ZBTB20: variants seen among roughly 807,000 people sequenced by gnomAD.
The protein encoded by ZBTB20 is zinc finger and BTB domain-containing protein 20.
In ZBTB20, 9 loss-of-function variants were observed where a neutral mutation model predicts 56.9. The observed-to-expected ratio is 0.16, with a 90% CI of 0.10 to 0.28. The LOEUF (loss-of-function observed/expected upper bound fraction) is 0.28, where lower values mean the gene tolerates loss of function less well. Among genes scored for constraint, ZBTB20 ranks in the 10% least tolerant of loss-of-function variants. ZBTB20 has a pLI of 1.00. For missense variants in ZBTB20, 655 were observed against 1,003.0 expected, an observed-to-expected ratio of 0.65 and a Z score of 4.69; for synonymous variants, 417 against 420.7, an observed-to-expected ratio of 0.99 and a Z score of 0.11.
At chr3:114,401,789 T>C (rs1157475579) in intron 7 of ZBTB20, among the ~76,000 whole-genome samples, 1 of 152,182 alleles carries the variant, frequency 6.6e-6, no homozygotes, top group East Asian at 1.9e-4. Flanking sequence ...AAATGATTTT[T>C]GAAAAATCAC....
At chr3:114,709,276 G>T (rs968520562) in intron 5 of ZBTB20, among the ~76,000 whole-genome samples, 2 of 152,060 alleles carry the variant, frequency 1.3e-5, no homozygotes, top group Non-Finnish European at 2.9e-5. Flanking sequence ...ACAGTTCTTT[G>T]TAAGAGACAC....
At chr3:114,415,175 T>A (rs1576655251) in intron 7 of ZBTB20, among the ~76,000 whole-genome samples, 1 of 152,070 alleles carries the variant, frequency 6.6e-6, no homozygotes, top group East Asian at 1.9e-4. Flanking sequence ...AATGTGACAA[T>A]CTCGCTGCAA....
rs368331914 is a variant in ZBTB20, at chr3:114,326,003, G to A, written c.*13002C>T. The A allele has an allele frequency of 6.6e-6, 1 of 152,230 alleles. No homozygotes were observed. The highest frequency in any genetic ancestry group is 2.4e-5 in the African/African-American group (1 of 41,520). 9.4% of individuals were successfully genotyped at this position (152,230 alleles called of 1,614,324 possible). On this transcript the variant is annotated 3_prime_UTR_variant, in exon 12 of 12. Transcript: ENST00000675478. The stretch of plus-strand genomic sequence containing the variant: ...CCTCTAGTGCCTGGGGTTGGGGCAG[G>A]TGCAGGGGTGTGGGGAAGGAGAGAG...
chr3:114,766,412 G>A (rs1419438438), intron 5 of ZBTB20, among the ~76,000 whole-genome samples: 1 of 151,690 alleles, frequency 6.6e-6, no homozygotes, highest in African/African-American at 2.4e-5. Flanking sequence ...TTTAAAACAG[G>A]TGCTCTTAAA....
intron 3 of ZBTB20, among the ~76,000 whole-genome samples, chr3:114,908,370 T>C (rs1490097700): frequency 2.0e-5 from 3 of 152,180 alleles, no homozygotes; most frequent in South Asian, 2.1e-4. Flanking sequence ...ATTACTATGA[T>C]TCTACCACAA....
At position 114,339,190 on chromosome 3, in the gene ZBTB20, C is replaced by T. The variant is rs149518419; in HGVS notation, c.2041G>A (p.Val681Met). 4 of 1,614,224 alleles carry T rather than the reference C, an allele frequency of 2.5e-6. No homozygotes were observed. Among genetic ancestry groups the T allele is most frequent in the Admixed American group, 1.7e-5 (1 of 60,030 alleles). ...CCATTGCTGGCACTGTGCAGGGCCA[C>T]GTGTCGCTCCAGGAGGGTCTTGTGA... is the stretch of plus-strand genomic sequence containing the variant. Reference protein sequence around the residue: ...FSHKTLLERHVALHSASNGTP... With the variant: ...FSHKTLLERHMALHSASNGTP... The change falls in exon 12 of 12, where the codon GTG (valine) becomes ATG (methionine). Residue 681 changes from valine to methionine, a missense_variant. Physicochemically the swap from Val to Met is conservative, Grantham distance 21 (BLOSUM62 1). Coordinates refer to ENST00000675478, the MANE Select transcript of ZBTB20 (RefSeq NM_001348800.3). This position sits in a 1 kb window ranked among gnomAD's most constrained non-coding sequence, Gnocchi z 4.2.
chr3:114,905,368 A>T (rs532537023), intron 3 of ZBTB20, among the ~76,000 whole-genome samples: 76 of 151,952 alleles, frequency 5.0e-4, no homozygotes, highest in African/African-American at 1.8e-3. Context: ...CTGGGGTCTT[A>T]GTTTAGATAT....
intron 1 of ZBTB20, among the ~76,000 whole-genome samples, chr3:115,139,901 T>C (rs2084762682): frequency 6.6e-6 from 1 of 152,034 alleles, no homozygotes; most frequent in East Asian, 1.9e-4. Context: ...AGATTATAAG[T>C]ACTTAATATC....
chr3:114,477,792 G>A (rs1168429466), intron 7 of ZBTB20, among the ~76,000 whole-genome samples: 1 of 151,662 alleles, frequency 6.6e-6, no homozygotes, highest in African/African-American at 2.4e-5. Flanking sequence ...ACCGCGCCCG[G>A]TCCGTACCCT....
At chr3:114,790,676 G>C (rs1402731707) in intron 5 of ZBTB20, among the ~76,000 whole-genome samples, 2 of 151,190 alleles carry the variant, frequency 1.3e-5, no homozygotes, top group Non-Finnish European at 2.9e-5. Context: ...GACCTATCTG[G>C]TACCAGCTTT....
At chr3:114,547,697 G>C (rs183156004) in intron 6 of ZBTB20, among the ~76,000 whole-genome samples, 366 of 152,230 alleles carry the variant, frequency 2.4e-3, no homozygotes, top group Middle Eastern at 0.017. Context: ...TTACATAACA[G>C]CTTACAATTT....
chr3:114,722,015 C>G (rs570325990), intron 5 of ZBTB20, among the ~76,000 whole-genome samples: 1 of 152,148 alleles, frequency 6.6e-6, no homozygotes, highest in Non-Finnish European at 1.5e-5. Flanking sequence ...TTTCTAGTTT[C>G]ACTAATGTAT....
At chr3:115,007,766 C>T (rs886231717) in intron 2 of ZBTB20, among the ~76,000 whole-genome samples, 4 of 151,866 alleles carry the variant, frequency 2.6e-5, no homozygotes, top group Non-Finnish European at 5.9e-5. Context: ...GCCCTTATAA[C>T]ATAATTTAAT....
chr3:115,028,638 T>C (rs2080528681), intron 2 of ZBTB20, among the ~76,000 whole-genome samples: 1 of 146,064 alleles, frequency 6.8e-6, no homozygotes, highest in Non-Finnish European at 1.5e-5. Flanking sequence ...TAACAATATA[T>C]TAAAAATAAT....
chr3:114,720,231 TGTA>T (rs2064820944), intron 5 of ZBTB20, among the ~76,000 whole-genome samples: 1 of 149,418 alleles, frequency 6.7e-6, no homozygotes, highest in Non-Finnish European at 1.5e-5. Context: ...AAGTACAAGG[TGTA>T]GTCTCTATTA....
Position 114,355,646 on chromosome 3 carries a change from A to G in ZBTB20, c.200-3768T>C, listed in dbSNP as rs1187298024. ...TTTTGTGAGCATGTCCTTTTCATCC[A>G]ATGGGCATTAATGTATAGATTCCAA... On this transcript the variant is annotated intron_variant, in intron 10 of 11. Transcript: ENST00000675478. Among the ~76,000 whole-genome samples the G allele has an allele frequency of 3.3e-5, 5 of 152,284 alleles. No individual in the cohort carries two copies. In the East Asian group the frequency reaches 9.6e-4, roughly 29 times the overall value.
intron 7 of ZBTB20, among the ~76,000 whole-genome samples, chr3:114,451,068 T>A (rs1429463713): frequency 6.6e-6 from 1 of 152,016 alleles, no homozygotes; most frequent in Non-Finnish European, 1.5e-5. Flanking sequence ...CTTATTTAAA[T>A]CTCTTACTTA....
At chr3:115,007,967 G>A (rs974446802) in intron 2 of ZBTB20, among the ~76,000 whole-genome samples, 1 of 151,626 alleles carries the variant, frequency 6.6e-6, no homozygotes, top group African/African-American at 2.4e-5. Flanking sequence ...AGGCTCTTCT[G>A]CTTCTTCTTG....
chr3:114,474,603 C>G (rs2040528983), intron 7 of ZBTB20, among the ~76,000 whole-genome samples: 3 of 152,162 alleles, frequency 2.0e-5, no homozygotes, highest in African/African-American at 4.8e-5. Flanking sequence ...GGACCACTCA[C>G]AGATACCCAG....
Sources: allele counts gnomAD v4.1 joint callset (sites outside exome capture counted in the v4.1 genomes callset), GRCh38; gene constraint gnomAD v4.1.1; non-coding constraint Gnocchi (gnomAD v3.1); transcripts MANE v1.5; gene names NCBI Gene and HGNC (gene_info 2026-07-23, HGNC 2026-07-21).